Variants in SAMMSON observed in about 807,000 individuals in gnomAD.
SAMMSON encodes the protein survival associated mitochondrial melanoma specific oncogenic non-coding RNA.
intron 3 of SAMMSON, among the ~76,000 whole-genome samples, chr3:70,019,516 T>C (rs540220396): frequency 6.6e-6 from 1 of 152,348 alleles, no homozygotes; most frequent in Non-Finnish European, 1.5e-5. Flanking sequence ...AGCGCACTGA[T>C]GGGTCTTGAC....
At chr3:70,246,796 A>T (rs1324486298) in intron 4 of SAMMSON, among the ~76,000 whole-genome samples, 11 of 152,074 alleles carry the variant, frequency 7.2e-5, no homozygotes, top group Admixed American at 2.6e-4. Flanking sequence ...ACATTTTTAG[A>T]GGGAAAAAAA....
At chr3:70,136,474 G>A (rs2067506324) in intron 4 of SAMMSON, among the ~76,000 whole-genome samples, 1 of 152,218 alleles carries the variant, frequency 6.6e-6, no homozygotes, top group African/African-American at 2.4e-5. Flanking sequence ...TCTGGCCCCA[G>A]TCAAGCCTTC....
At chr3:70,210,083 A>G (rs1401564900) in intron 4 of SAMMSON, among the ~76,000 whole-genome samples, 1 of 152,116 alleles carries the variant, frequency 6.6e-6, no homozygotes, top group Non-Finnish European at 1.5e-5. Context: ...GCACAAAGTA[A>G]TTCAGTAACA....
At chr3:70,431,494 T>C (rs1407032305) in intron 2 of SAMMSON, among the ~76,000 whole-genome samples, 1 of 152,010 alleles carries the variant, frequency 6.6e-6, no homozygotes, top group Non-Finnish European at 1.5e-5. Flanking sequence ...AATAAAATAT[T>C]TTAATCTGTC....
intron 4 of SAMMSON, among the ~76,000 whole-genome samples, chr3:70,086,728 T>A (rs1013892772): frequency 2.6e-5 from 4 of 152,242 alleles, no homozygotes; most frequent in African/African-American, 9.6e-5. Flanking sequence ...TCAAATGTCC[T>A]TGCTGGAGAA....
intron 4 of SAMMSON, among the ~76,000 whole-genome samples, chr3:70,192,730 C>T (rs75828926): frequency 0.014 from 2,151 of 152,226 alleles, 43 homozygotes; most frequent in African/African-American, 0.05. Flanking sequence ...GAATCATATT[C>T]GTAGTATAAG....
intron 6 of SAMMSON, among the ~76,000 whole-genome samples, chr3:70,268,866 G>C (rs1701948372): frequency 6.6e-6 from 1 of 152,038 alleles, no homozygotes; most frequent in East Asian, 1.9e-4. Flanking sequence ...TAAAATCTCA[G>C]TTTATGAGGA....
chr3:70,089,650 G>A (rs1031176262), intron 4 of SAMMSON, among the ~76,000 whole-genome samples: 4 of 151,940 alleles, frequency 2.6e-5, no homozygotes, highest in Non-Finnish European at 4.4e-5. Flanking sequence ...GTGTCAGAAC[G>A]GCACCTACCT....
At chr3:70,423,544 A>G (rs993404569) in intron 2 of SAMMSON, among the ~76,000 whole-genome samples, 2 of 152,178 alleles carry the variant, frequency 1.3e-5, no homozygotes, top group African/African-American at 4.8e-5. Flanking sequence ...CCAATCAGTG[A>G]TGATAATTTA....
intron 2 of SAMMSON, among the ~76,000 whole-genome samples, chr3:70,403,066 T>G (rs180698206): frequency 1.3e-4 from 20 of 152,254 alleles, no homozygotes; most frequent in Middle Eastern, 3.4e-3. Flanking sequence ...AAATAATTTC[T>G]TTTGCTACTT....
chr3:70,087,382 G>A (rs1270562264), intron 4 of SAMMSON, among the ~76,000 whole-genome samples: 5 of 152,168 alleles, frequency 3.3e-5, no homozygotes, highest in Admixed American at 6.5e-5. Flanking sequence ...CCAGTGCCAT[G>A]CACTTTAGGT....
chr3:70,033,564 G>C (rs1202119283), intron 3 of SAMMSON, among the ~76,000 whole-genome samples: 1 of 152,172 alleles, frequency 6.6e-6, no homozygotes, highest in East Asian at 1.9e-4. Flanking sequence ...GACATAGCTA[G>C]AACTTGGGAC....
intron 6 of SAMMSON, among the ~76,000 whole-genome samples, chr3:70,279,631 G>A (rs779993866): frequency 3.3e-5 from 5 of 152,108 alleles, no homozygotes; most frequent in South Asian, 2.1e-4. Context: ...GCTCTCTTGC[G>A]CTACATGCTG....
At chr3:70,046,441 T>C (rs1199334004) in intron 3 of SAMMSON, among the ~76,000 whole-genome samples, 3 of 152,116 alleles carry the variant, frequency 2.0e-5, no homozygotes. Context: ...ATGCGGTACA[T>C]GTAATGGGTA....
chr3:70,414,570 C>A (rs915282636), intron 2 of SAMMSON, among the ~76,000 whole-genome samples: 2 of 151,984 alleles, frequency 1.3e-5, no homozygotes, highest in African/African-American at 4.8e-5. Context: ...ACTGGTTTTC[C>A]CATGAAGTTA....
intron 7 of SAMMSON, among the ~76,000 whole-genome samples, chr3:70,348,637 A>C (rs937627334): frequency 4.6e-5 from 7 of 152,162 alleles, no homozygotes. Flanking sequence ...TTAGGGGGAC[A>C]CAAACATTTA....
intron 4 of SAMMSON, among the ~76,000 whole-genome samples, chr3:70,124,245 CTA>C (rs2067446478): frequency 6.6e-6 from 1 of 152,180 alleles, no homozygotes; most frequent in Non-Finnish European, 1.5e-5. Flanking sequence ...AAGTTAATGA[CTA>C]TGTTTCTCTT....
At chr3:70,198,869 C>T (rs1576151909) in intron 4 of SAMMSON, among the ~76,000 whole-genome samples, 1 of 152,096 alleles carries the variant, frequency 6.6e-6, no homozygotes, top group Non-Finnish European at 1.5e-5. Context: ...CACAAACCTC[C>T]CACAAAAATG....
chr3:70,200,795 A>T lies in SAMMSON; in HGVS notation n.508-48312A>T, dbSNP rs550560722. 9.2e-5 allele frequency among the ~76,000 whole-genome samples: 14 copies of T among 152,286 alleles called. No homozygotes were observed. In the East Asian group the frequency reaches 2.5e-3, roughly 27 times the overall value. ...TCCTCATTTTTTAGATGCAAGGACTAAGGTTCAGGGATTGTTTCTGACTGT... is the reference window on the plus strand; with the variant it reads ...TCCTCATTTTTTAGATGCAAGGACTTAGGTTCAGGGATTGTTTCTGACTGT... On this transcript the variant is annotated intron_variant and non_coding_transcript_variant, in intron 4 of 9. Transcript: ENST00000642114.
Sources: allele counts gnomAD v4.1 joint callset (sites outside exome capture counted in the v4.1 genomes callset), GRCh38; gene constraint gnomAD v4.1.1; transcripts MANE v1.5; gene names NCBI Gene and HGNC (gene_info 2026-07-23, HGNC 2026-07-21).